The following PCDHA1 variants were observed in gnomAD, a reference collection of about 807,000 sequenced individuals.
PCDHA1 encodes protocadherin alpha-1.
PCDHA1 carries 42 observed loss-of-function variants against 61.3 expected under a neutral mutation model. That is an observed-to-expected ratio of 0.69 (90% confidence interval 0.54 to 0.89). The LOEUF (loss-of-function observed/expected upper bound fraction) is 0.89. Among genes scored for constraint, PCDHA1 ranks in the 40% least tolerant of loss-of-function variants. The pLI is 0.00. For synonymous variants in PCDHA1, 610 were observed against 553.8 expected (o/e 1.10, Z -1.43); for missense variants, 1,256 against 1,235.3 (o/e 1.02, Z -0.25).
At chr5:140,885,736 C>T (rs1457106867) in intron 1 of PCDHA1, among the ~76,000 whole-genome samples, 1 of 152,060 alleles carries the variant, frequency 6.6e-6, no homozygotes, top group African/African-American at 2.4e-5. Context: ...AATGATATTT[C>T]ACTGTTACTT....
intron 1 of PCDHA1, chr5:140,862,055 T>A (rs562841635): frequency 6.4e-6 from 1 of 155,712 alleles, no homozygotes; most frequent in East Asian, 1.9e-4. Context: ...ATTGTTTCTT[T>A]GCAACTGATG....
At chr5:140,898,450 C>G (rs1276825221) in intron 1 of PCDHA1, among the ~76,000 whole-genome samples, 4 of 152,148 alleles carry the variant, frequency 2.6e-5, no homozygotes, top group Non-Finnish European at 4.4e-5. Flanking sequence ...ATAGGGAATC[C>G]TTTCCCCATT....
intron 1 of PCDHA1, chr5:140,813,143 CTGTT>C (rs1198590971): frequency 6.6e-6 from 1 of 152,150 alleles, no homozygotes; most frequent in East Asian, 1.9e-4. Flanking sequence ...CTGTATATGT[CTGTT>C]AGTTCCATTT....
chr5:141,010,225 C>T lies in PCDHA1; in HGVS notation c.*288C>T. The T allele has an allele frequency of 6.4e-7, 1 of 1,551,848 alleles. No homozygotes were observed. The highest frequency in any genetic ancestry group is 8.7e-7 in the Non-Finnish European group (1 of 1,147,026). The stretch of plus-strand genomic sequence containing the variant: ...CCGCCGCAAAGGAGAGGCTTCCCAG[C>T]CCCGCCAGTGAGAGGTTGGACTCTC... On this transcript the variant is annotated 3_prime_UTR_variant, in exon 4 of 4. Coordinates refer to ENST00000504120, the MANE Select transcript of PCDHA1 (RefSeq NM_018900.4).
At position 140,787,229 on chromosome 5, in the gene PCDHA1, A is replaced by C; in HGVS notation, c.939A>C (p.Thr313=). Reference sequence around the variant, plus strand: ...TTGATAAACTGGATTATGAAGAAACAAAATCCTACGAAATTCAAGTAAAGG... The same window carrying C: ...TTGATAAACTGGATTATGAAGAAACCAAATCCTACGAAATTCAAGTAAAGG... The part of the protein sequence containing the change: ...RLIDKLDYEE[T]KSYEIQVKAV... The change falls in exon 1 of 4, where the codon ACA becomes ACC. Residue 313 remains threonine (T), a synonymous_variant. Coordinates refer to ENST00000504120, the MANE Select transcript of PCDHA1 (RefSeq NM_018900.4). The C allele has an allele frequency of 1.2e-6, 2 of 1,614,204 alleles. No individual in the cohort carries two copies. Among genetic ancestry groups the C allele is most frequent in the South Asian group, 2.2e-5 (2 of 91,088 alleles).
intron 1 of PCDHA1, among the ~76,000 whole-genome samples, chr5:140,893,592 C>G (rs2064074430): frequency 6.6e-6 from 1 of 152,154 alleles, no homozygotes; most frequent in Non-Finnish European, 1.5e-5. Flanking sequence ...TTGGGAAATA[C>G]TTTATTTCTC....
intron 1 of PCDHA1, chr5:140,796,478 C>T: frequency 1.9e-6 from 3 of 1,612,232 alleles, no homozygotes. Context: ...CGCGCGTTGT[C>T]GAGCTACGTT....
intron 1 of PCDHA1, among the ~76,000 whole-genome samples, chr5:140,880,402 G>A (rs1014801012): frequency 3.9e-5 from 6 of 152,182 alleles, no homozygotes; most frequent in Non-Finnish European, 8.8e-5. Context: ...AGAGCATATG[G>A]TTGACCTTAA....
At chr5:140,858,376 A>G in intron 1 of PCDHA1, 2 of 1,587,998 alleles carry the variant, frequency 1.3e-6, no homozygotes. Flanking sequence ...GCCTTCCACC[A>G]TGCCCAATGG....
intron 1 of PCDHA1, chr5:140,796,771 T>C: frequency 6.2e-7 from 1 of 1,614,144 alleles, no homozygotes; most frequent in Non-Finnish European, 8.5e-7. Flanking sequence ...TGACTCAGGC[T>C]ACAACGCGTG....
Position 140,833,148 on chromosome 5 carries a change from T to C in PCDHA1, c.2394+44464T>C, listed in dbSNP as rs145941830. On this transcript the variant is annotated intron_variant, in intron 1 of 3. Coordinates refer to ENST00000504120, the MANE Select transcript of PCDHA1 (RefSeq NM_018900.4). The stretch of plus-strand genomic sequence containing the variant: ...AAAGCTGTCAAAAAGTGTGAAGCAA[T>C]ACGAATAAAAAGTATTAACGGAAGA... 2.6e-4 allele frequency among the ~76,000 whole-genome samples: 39 copies of C among 152,250 alleles called. No individual in the cohort carries two copies. The East Asian group carries it at 6.2e-3, about 24-fold the overall frequency.
chr5:140,953,293 G>A (rs1410676265), intron 1 of PCDHA1, among the ~76,000 whole-genome samples: 3 of 152,084 alleles, frequency 2.0e-5, no homozygotes, highest in Admixed American at 2.0e-4. Context: ...GTGATTCAGG[G>A]ACGGCAGAGA....
chr5:140,838,021 A>T (rs190658901), intron 1 of PCDHA1, among the ~76,000 whole-genome samples: 1 of 151,324 alleles, frequency 6.6e-6, no homozygotes, highest in African/African-American at 2.4e-5. Flanking sequence ...AAGTGATTAC[A>T]GTAGAAACCT....
chr5:140,858,296 C>T, intron 1 of PCDHA1: 1 of 1,597,390 alleles, frequency 6.3e-7, no homozygotes, highest in East Asian at 2.2e-5. Flanking sequence ...GTCTTACTCG[C>T]AGCAGAGGCG....
intron 1 of PCDHA1, among the ~76,000 whole-genome samples, chr5:140,818,289 T>C (rs2150100721): frequency 6.6e-6 from 1 of 152,350 alleles, no homozygotes; most frequent in Non-Finnish European, 1.5e-5. Flanking sequence ...AATCCATGTT[T>C]TATTCTGACC....
At chr5:140,920,269 A>G (rs1342153832) in intron 1 of PCDHA1, among the ~76,000 whole-genome samples, 1 of 152,224 alleles carries the variant, frequency 6.6e-6, no homozygotes, top group Non-Finnish European at 1.5e-5. Flanking sequence ...TTATTACTTT[A>G]TGTAATCTTA....
At chr5:140,831,731 C>A (rs1771681579) in intron 1 of PCDHA1, among the ~76,000 whole-genome samples, 1 of 152,004 alleles carries the variant, frequency 6.6e-6, no homozygotes, top group Admixed American at 6.6e-5. Flanking sequence ...TGTTATCCTC[C>A]CTTGCCTAAA....
At chr5:140,802,062 A>G (rs1554121857) in intron 1 of PCDHA1, 1 of 1,614,190 alleles carries the variant, frequency 6.2e-7, no homozygotes, top group Non-Finnish European at 8.5e-7. Flanking sequence ...GTCAGCAGAT[A>G]TTCTGTCAAA....
chr5:140,834,385 T>C, intron 1 of PCDHA1: 1 of 1,568,318 alleles, frequency 6.4e-7, no homozygotes, highest in South Asian at 1.2e-5. Flanking sequence ...TAATTTGAAA[T>C]GGTGTGCCCG....
Sources: allele counts gnomAD v4.1 joint callset (sites outside exome capture counted in the v4.1 genomes callset), GRCh38; gene constraint gnomAD v4.1.1; transcripts MANE v1.5; gene names NCBI Gene and HGNC (gene_info 2026-07-23, HGNC 2026-07-21).